The following RORA variants were observed in gnomAD, a reference collection of about 807,000 sequenced individuals.
RORA encodes the protein nuclear receptor ROR-alpha.
Under a neutral mutation model 69.5 loss-of-function variants are expected in RORA, and 7 were observed. The ratio of observed to expected loss-of-function variants is 0.10; its 90% CI spans 0.06 to 0.19. The LOEUF (loss-of-function observed/expected upper bound fraction) is 0.19. Among genes scored for constraint, RORA ranks in the 10% least tolerant of loss-of-function variants. RORA has a pLI of 1.00. For missense variants in RORA, 457 were observed against 663.0 expected (o/e 0.69, Z 3.41); for synonymous variants, 261 against 240.8 (o/e 1.08, Z -0.78).
chr15:60,783,530 A>C (rs2072292698), intron 1 of RORA, among the ~76,000 whole-genome samples: 1 of 152,202 alleles, frequency 6.6e-6, no homozygotes, highest in Non-Finnish European at 1.5e-5. Flanking sequence ...GCTTTTATTA[A>C]GGATTTTGAA....
At chr15:60,547,436 C>A (rs983235364) in intron 2 of RORA, among the ~76,000 whole-genome samples, 3 of 151,700 alleles carry the variant, frequency 2.0e-5, no homozygotes, top group African/African-American at 7.3e-5. Context: ...AAAGGATTCT[C>A]CTGCCTCAGC....
At chr15:61,008,201 C>CTGTG (rs1388505353) in intron 1 of RORA, among the ~76,000 whole-genome samples, 199 of 106,690 alleles carry the variant, frequency 1.9e-3, no homozygotes, top group African/African-American at 5.4e-3. Flanking sequence ...TTCTCTCTCT[C>CTGTG]TCTGTGTGTG....
chr15:61,082,643 C>A (rs1320960443), intron 1 of RORA, among the ~76,000 whole-genome samples: 2 of 152,188 alleles, frequency 1.3e-5, no homozygotes, highest in African/African-American at 4.8e-5. Flanking sequence ...AAGCAATCCC[C>A]ATGAACACCG....
intron 1 of RORA, among the ~76,000 whole-genome samples, chr15:60,825,033 C>T (rs1287979478): frequency 6.6e-6 from 1 of 152,212 alleles, no homozygotes; most frequent in Non-Finnish European, 1.5e-5. Context: ...ATACCTGGGA[C>T]TTACCTCAAG....
At chr15:60,563,113 G>C (rs993104115) in intron 2 of RORA, among the ~76,000 whole-genome samples, 1 of 152,128 alleles carries the variant, frequency 6.6e-6, no homozygotes, top group Non-Finnish European at 1.5e-5. Flanking sequence ...CTCCCAAAGT[G>C]AACACGGAGT....
intron 1 of RORA, among the ~76,000 whole-genome samples, chr15:60,743,469 C>A (rs955083666): frequency 6.6e-6 from 1 of 152,166 alleles, no homozygotes; most frequent in African/African-American, 2.4e-5. Context: ...TAAGTGGAAA[C>A]CTTAAGCTTG....
intron 1 of RORA, among the ~76,000 whole-genome samples, chr15:61,135,993 A>T (rs961718262): frequency 2.6e-5 from 4 of 152,248 alleles, no homozygotes; most frequent in Admixed American, 2.6e-4. Context: ...CAAACGTTCA[A>T]GATAATAGGT....
At chr15:60,629,317 G>C (rs2069678606) in intron 2 of RORA, among the ~76,000 whole-genome samples, 1 of 149,776 alleles carries the variant, frequency 6.7e-6, no homozygotes, top group Non-Finnish European at 1.5e-5. Context: ...CTCCCAAGTA[G>C]CTGGGATTAT....
chr15:60,827,223 C>T (rs1360014368), intron 1 of RORA, among the ~76,000 whole-genome samples: 1 of 152,186 alleles, frequency 6.6e-6, no homozygotes, highest in African/African-American at 2.4e-5. Flanking sequence ...GGCTGAGGCA[C>T]TGTTCTGTCA....
At chr15:60,668,565 C>T (rs192358548) in intron 2 of RORA, among the ~76,000 whole-genome samples, 1 of 152,152 alleles carries the variant, frequency 6.6e-6, no homozygotes, top group Non-Finnish European at 1.5e-5. Context: ...ATTTCATTGG[C>T]CTCGGGGGAC....
chr15:60,821,707 A>C (rs1292287095), intron 1 of RORA, among the ~76,000 whole-genome samples: 1 of 152,210 alleles, frequency 6.6e-6, no homozygotes, highest in African/African-American at 2.4e-5. Flanking sequence ...ACATTTACTG[A>C]GTGCTTACTA....
chr15:60,524,303 C>A (rs900503066), intron 3 of RORA, among the ~76,000 whole-genome samples: 1 of 152,192 alleles, frequency 6.6e-6, no homozygotes, highest in Non-Finnish European at 1.5e-5. Flanking sequence ...CACACAGTTA[C>A]TAAAGATATC....
At chr15:61,102,415 G>A (rs907557714) in intron 1 of RORA, among the ~76,000 whole-genome samples, 1 of 152,150 alleles carries the variant, frequency 6.6e-6, no homozygotes, top group African/African-American at 2.4e-5. Flanking sequence ...TGTGAGTTCT[G>A]GCCTTGGCTG....
intron 1 of RORA, among the ~76,000 whole-genome samples, chr15:60,846,059 A>C (rs2140408685): frequency 6.6e-6 from 1 of 152,178 alleles, no homozygotes; most frequent in East Asian, 1.9e-4. Flanking sequence ...AGCTATTTTT[A>C]TTACCACCAC....
chr15:61,094,500 T>C (rs984903382), intron 1 of RORA, among the ~76,000 whole-genome samples: 2 of 152,118 alleles, frequency 1.3e-5, no homozygotes, highest in African/African-American at 2.4e-5. Flanking sequence ...GCCCATCCAA[T>C]GAATATAGAA....
chr15:60,718,332 A>G (rs1300747847), intron 1 of RORA, among the ~76,000 whole-genome samples: 1 of 152,208 alleles, frequency 6.6e-6, no homozygotes, highest in Admixed American at 6.5e-5. Context: ...ACCTGCCAAC[A>G]TTCTAAAGGT....
At chr15:60,853,505 G>A (rs531365871) in intron 1 of RORA, among the ~76,000 whole-genome samples, 3 of 152,256 alleles carry the variant, frequency 2.0e-5, no homozygotes, top group Admixed American at 6.5e-5. Context: ...GACTTAATTG[G>A]GTGCGTAACA....
At chr15:60,799,572 A>T (rs764500476) in intron 1 of RORA, among the ~76,000 whole-genome samples, 8 of 152,108 alleles carry the variant, frequency 5.3e-5, no homozygotes, top group Non-Finnish European at 1.0e-4. Context: ...TATAAACTGC[A>T]TTGGTCCAAA....
intron 1 of RORA, among the ~76,000 whole-genome samples, chr15:60,962,497 G>A (rs1194173845): frequency 6.6e-6 from 1 of 152,190 alleles, no homozygotes; most frequent in Non-Finnish European, 1.5e-5. Flanking sequence ...GGAATGCACA[G>A]ACCAAAGAAG....
Sources: allele counts gnomAD v4.1 joint callset (sites outside exome capture counted in the v4.1 genomes callset), GRCh38; gene constraint gnomAD v4.1.1; transcripts MANE v1.5; gene names NCBI Gene and HGNC (gene_info 2026-07-23, HGNC 2026-07-21).